The following ABL2 variants were observed in gnomAD, a reference collection of about 807,000 sequenced individuals.
The protein encoded by ABL2 is ABL proto-oncogene 2, non-receptor tyrosine kinase.
ABL2 carries 49 observed loss-of-function variants against 107.7 expected under a neutral mutation model. That is an observed-to-expected ratio of 0.45 (90% CI 0.36 to 0.58). The LOEUF (loss-of-function observed/expected upper bound fraction) is 0.58, where lower values mean the gene tolerates loss of function less well. ABL2 is among the 20% of genes least tolerant of loss of function. ABL2 has a pLI of 0.00. For missense variants in ABL2, 1,245 were observed against 1,457.0 expected (o/e 0.85, Z 2.37); for synonymous variants, 549 against 548.6 (o/e 1.00, Z -0.01).
chr1:179,138,643 A>C (rs1375519612), intron 1 of ABL2, among the ~76,000 whole-genome samples: 1 of 152,042 alleles, frequency 6.6e-6, no homozygotes, highest in Non-Finnish European at 1.5e-5. Flanking sequence ...AAACCATGGA[A>C]TCCTTCATGG....
Position 179,175,797 on chromosome 1 carries a change from T to C in ABL2, c.158-42423A>G, listed in dbSNP as rs1353009991. 2.6e-5 allele frequency among the ~76,000 whole-genome samples: 4 copies of C among 151,610 alleles called. No individual in the cohort carries two copies. In the East Asian group the frequency reaches 7.8e-4, roughly 29 times the overall value. On this transcript the variant is annotated intron_variant, in intron 1 of 11. Transcript: ENST00000502732. The stretch of plus-strand genomic sequence containing the variant: ...TGATGAAAGGGAATGATGAAGCAAA[T>C]TAACAAAGAAGACTGCATGCTAGAC...
At chr1:179,170,222 C>T (rs1427572058) in intron 1 of ABL2, among the ~76,000 whole-genome samples, 1 of 152,056 alleles carries the variant, frequency 6.6e-6, no homozygotes, top group Admixed American at 6.6e-5. Flanking sequence ...AACCCACTCC[C>T]CCATGATAAT....
rs1021974585 is a variant in ABL2 at position 179,106,024 on chromosome 1, G to C, written c.*1694C>G. Reference sequence around the variant, plus strand: ...AGATTAAGAGATGAGGCTGTGGTTTGACAGTGTATCAATGACAGAGCCAGA... The same window carrying C: ...AGATTAAGAGATGAGGCTGTGGTTTCACAGTGTATCAATGACAGAGCCAGA... On this transcript the variant is annotated 3_prime_UTR_variant, in exon 12 of 12. Coordinates refer to ENST00000502732, the MANE Select transcript of ABL2 (RefSeq NM_007314.4). 4 of 219,134 alleles carry C rather than the reference G, an allele frequency of 1.8e-5. No homozygotes were observed. The highest frequency in any genetic ancestry group is 6.7e-5 in the African/African-American group (3 of 44,568). 13.6% of individuals were successfully genotyped at this position (219,134 alleles called of 1,614,324 possible).
At chr1:179,174,616 G>A (rs1659926758) in intron 1 of ABL2, among the ~76,000 whole-genome samples, 1 of 151,184 alleles carries the variant, frequency 6.6e-6, no homozygotes, top group Non-Finnish European at 1.5e-5. Flanking sequence ...CCCAGGCGCA[G>A]TCTTAAAACC....
chr1:179,229,208 C>CCCCCCCCCCCCACA, intron 1 of ABL2, 33 bp downstream of exon 1: 8 of 1,488,036 alleles, frequency 5.4e-6, no homozygotes, highest in East Asian at 5.6e-5. Context: ...CGGCCTCCCC[C>CCCCCCCCCCCCACA]ACGCTCTCAT....
chr1:179,201,940 C>T (rs1571308936), intron 1 of ABL2: 2 of 1,196,714 alleles, frequency 1.7e-6, no homozygotes, highest in East Asian at 3.9e-5. Context: ...GCTGTCCTGC[C>T]ACCCAACCCC....
rs1654756394 is a variant in ABL2, at chr1:179,117,384, T to C, written c.1356A>G (p.Thr452=). 4 of 1,614,184 alleles carry C rather than the reference T, an allele frequency of 2.5e-6. No homozygotes were observed. Residue 452 remains threonine (T), a synonymous_variant, in exon 8 of 12, where the codon ACA becomes ACG. Transcript: ENST00000502732. ...TATTGTAGGCAAGACTCTCTGGTGC[T>C]GTCCACTTAATAGGAAATTTGGCTC... is the stretch of plus-strand genomic sequence containing the variant. ...HAGAKFPIKW[T]APESLAYNTF... is the part of the protein sequence containing the mutation.
At chr1:179,174,194 A>C (rs892871616) in intron 1 of ABL2, among the ~76,000 whole-genome samples, 5 of 151,764 alleles carry the variant, frequency 3.3e-5, no homozygotes, top group African/African-American at 1.2e-4. Flanking sequence ...AGGCTGAGGC[A>C]GAAGAATCAC....
chr1:179,208,124 T>C (rs113350142), intron 1 of ABL2, among the ~76,000 whole-genome samples: 61 of 152,290 alleles, frequency 4.0e-4, no homozygotes, highest in African/African-American at 1.4e-3. Flanking sequence ...TTATTAACCT[T>C]TAATAAAGTG....
At position 179,160,173 on chromosome 1, in the gene ABL2, T is replaced by C. The variant is rs561461654; in HGVS notation, c.158-26799A>G. ...TTATATAACTTGTATACCATACTTA[T>C]ATAACTTCTATAATATTCATATAAC... On this transcript the variant is annotated intron_variant, in intron 1 of 11. Coordinates refer to ENST00000502732, the MANE Select transcript of ABL2 (RefSeq NM_007314.4). Among the ~76,000 whole-genome samples the C allele has an allele frequency of 5.3e-5, 8 of 152,254 alleles. No individual in the cohort carries two copies. In the East Asian group the frequency reaches 5.8e-4, roughly 11 times the overall value.
intron 1 of ABL2, among the ~76,000 whole-genome samples, chr1:179,214,114 A>G (rs900965689): frequency 2.0e-5 from 3 of 152,182 alleles, no homozygotes; most frequent in Admixed American, 6.5e-5. Flanking sequence ...ATACTTAACA[A>G]CAAAAATCAT....
At chr1:179,226,846 T>C (rs577476782) in intron 1 of ABL2, among the ~76,000 whole-genome samples, 1 of 152,290 alleles carries the variant, frequency 6.6e-6, no homozygotes, top group South Asian at 2.1e-4. Context: ...TTCATGCCCT[T>C]AACAAATACT....
chr1:179,184,312 AGAGT>A, intron 1 of ABL2: 1 of 536,826 alleles, frequency 1.9e-6, no homozygotes, highest in South Asian at 2.4e-5. Context: ...CATTTGAATG[AGAGT>A]GGTATTCCAT....
At chr1:179,138,877 C>CT (rs1264616359) in intron 1 of ABL2, among the ~76,000 whole-genome samples, 1 of 152,244 alleles carries the variant, frequency 6.6e-6, no homozygotes, top group Non-Finnish European at 1.5e-5. Context: ...GCCTGCCGCG[C>CT]TTGCGGGCCA....
At chr1:179,190,259 C>T (rs1660922809) in intron 1 of ABL2, among the ~76,000 whole-genome samples, 1 of 152,122 alleles carries the variant, frequency 6.6e-6, no homozygotes, top group South Asian at 2.1e-4. Flanking sequence ...CTGGGATTTC[C>T]ACAACCCCCT....
intron 1 of ABL2, among the ~76,000 whole-genome samples, chr1:179,206,801 A>T (rs561698793): frequency 4.1e-4 from 63 of 152,312 alleles, no homozygotes; most frequent in East Asian, 3.3e-3. Context: ...AAATTTTTTT[A>T]AAAAACTCAG....
At position 179,118,713 on chromosome 1, in the gene ABL2, T is replaced by C. The variant is rs1368876824; in HGVS notation, c.1097A>G (p.Tyr366Cys). Residue 366 changes from tyrosine (Y) to cysteine (C), a missense_variant, in exon 7 of 12, where the codon TAC becomes TGC. Transcript: ENST00000502732. ...PFYIVTEYMP[Y>C]GNLLDYLREC... ...TCGGAGGTAATCCAGCAAATTCCCG[T>C]ATGGCATGTATTCAGTCACAATGTA... is the stretch of plus-strand genomic sequence containing the variant. 1 of 1,614,162 alleles carries C rather than the reference T, an allele frequency of 6.2e-7. No individual in the cohort carries two copies. Among genetic ancestry groups the C allele is most frequent in the Non-Finnish European group, 8.5e-7 (1 of 1,180,022 alleles).
At chr1:179,207,130 T>C (rs1018746766) in intron 1 of ABL2, among the ~76,000 whole-genome samples, 5 of 151,964 alleles carry the variant, frequency 3.3e-5, no homozygotes, top group Non-Finnish European at 1.5e-5. Flanking sequence ...TCCATTACCT[T>C]CTGAAGTCAG....
intron 1 of ABL2, among the ~76,000 whole-genome samples, chr1:179,134,608 G>A (rs903582195): frequency 2.6e-5 from 4 of 152,138 alleles, no homozygotes; most frequent in Admixed American, 1.3e-4. Flanking sequence ...ATTTAGAAAT[G>A]CCAGTGGCTC....
Sources: gnomAD v4.1 joint callset for allele counts (sites outside exome capture counted in the v4.1 genomes callset) on GRCh38, gnomAD v4.1.1 for gene constraint, MANE v1.5 for transcripts, NCBI Gene and HGNC (gene_info 2026-07-23, HGNC 2026-07-21) for gene names.